The following LIN52 variants were observed in gnomAD, a reference collection of about 807,000 sequenced individuals.
LIN52 encodes lin-52 DREAM MuvB core complex component.
LIN52 carries 4 observed loss-of-function variants against 18.5 expected under a neutral mutation model. The observed-to-expected ratio is 0.22, with a 90% confidence interval of 0.11 to 0.49. The LOEUF (loss-of-function observed/expected upper bound fraction) is 0.49, where lower values mean the gene tolerates loss of function less well. LIN52 is among the 20% of genes least tolerant of loss of function. The pLI, the probability that LIN52 is intolerant of heterozygous loss-of-function variation, is 0.97. For missense variants in LIN52, 102 were observed against 139.5 expected (o/e 0.73, Z 1.35); for synonymous variants, 34 against 45.5 (o/e 0.75, Z 1.02).
chr14:74,149,732 G>A (rs141130965), intron 5 of LIN52, among the ~76,000 whole-genome samples: 60 of 152,200 alleles, frequency 3.9e-4, no homozygotes, highest in African/African-American at 1.4e-3. Context: ...CTTTATCTGG[G>A]AGTCTGAGGT....
In LIN52 at chr14:74,145,615, C is replaced by G. The variant is rs375037702; in HGVS notation, c.283+44377C>G. On this transcript the variant is annotated intron_variant, in intron 5 of 5. Transcript: ENST00000555028. ...TCATATGCTTTGAGCTTGTCTCTTA[C>G]AGTCTGGTCGAAAAGTCAGAAGTAT... Among the ~76,000 whole-genome samples, 20 of 152,322 alleles carry G rather than the reference C, an allele frequency of 1.3e-4. No homozygotes were observed. The East Asian group carries it at 1.7e-3, about 13-fold the overall frequency.
In LIN52 at chr14:74,184,934, A is replaced by C. The variant is rs530304874; in HGVS notation, c.284-13988A>C. Among the ~76,000 whole-genome samples, 19 of 150,490 alleles carry C rather than the reference A, an allele frequency of 1.3e-4. 1 individual carries two copies. The highest frequency in any genetic ancestry group is 4.6e-4 in the African/African-American group (19 of 41,030). The stretch of plus-strand genomic sequence containing the variant: ...AGTACATCTTTTTTCTTTTTTATTT[A>C]TTTTTTCTTCTTTTTAAAAATTTTT... On this transcript the variant is annotated intron_variant, in intron 5 of 5. Transcript: ENST00000555028.
chr14:74,168,476 G>C (rs146701340), intron 5 of LIN52, among the ~76,000 whole-genome samples: 172 of 152,018 alleles, frequency 1.1e-3, no homozygotes, highest in African/African-American at 4.1e-3. Flanking sequence ...AGACCATCCT[G>C]GCTAACATGG....
At chr14:74,093,633 ATAACGT>A (rs2060787987) in intron 2 of LIN52, among the ~76,000 whole-genome samples, 1 of 152,184 alleles carries the variant, frequency 6.6e-6, no homozygotes, top group Admixed American at 6.5e-5. Flanking sequence ...GCCCACTCTT[ATAACGT>A]TAACCACTGT....
At chr14:74,113,519 C>G (rs771855208) in intron 5 of LIN52, among the ~76,000 whole-genome samples, 3 of 152,110 alleles carry the variant, frequency 2.0e-5, no homozygotes, top group South Asian at 2.1e-4. Context: ...GCTCAAGGAA[C>G]GGTGCGAGTG....
At chr14:74,143,448 G>A (rs943159921) in intron 5 of LIN52, among the ~76,000 whole-genome samples, 5 of 152,156 alleles carry the variant, frequency 3.3e-5, no homozygotes, top group Non-Finnish European at 7.3e-5. Flanking sequence ...AGCTACTTGG[G>A]AAGCTGAAGT....
At chr14:74,165,557 A>C (rs925928754) in intron 5 of LIN52, among the ~76,000 whole-genome samples, 1 of 137,590 alleles carries the variant, frequency 7.3e-6, no homozygotes, top group African/African-American at 2.9e-5. Flanking sequence ...CCCAGACTGA[A>C]GTACACAGTG....
chr14:74,137,150 A>G (rs1566858395), intron 5 of LIN52, among the ~76,000 whole-genome samples: 1 of 131,646 alleles, frequency 7.6e-6, no homozygotes, highest in Admixed American at 7.9e-5. Flanking sequence ...TATATTTTAT[A>G]TATGAATATA....
At chr14:74,089,932 A>G (rs1413046623) in intron 1 of LIN52, among the ~76,000 whole-genome samples, 1 of 151,630 alleles carries the variant, frequency 6.6e-6, no homozygotes, top group East Asian at 1.9e-4. Flanking sequence ...CAGGGCGAGC[A>G]CTTTTGGGCT....
chr14:74,092,051 A>G lies in LIN52; in HGVS notation c.94+745A>G, dbSNP rs577599403. Among the ~76,000 whole-genome samples, 82 of 151,784 alleles carry G rather than the reference A, an allele frequency of 5.4e-4. 1 individual carries two copies. The highest frequency in any genetic ancestry group is 1.8e-3 in the African/African-American group (75 of 41,450). ...TGCAGTGGTGCACTCGGGTCACTGCATCCTCTGCCTCAGGGTTCAAGCGAT... is the reference window on the plus strand; with the variant it reads ...TGCAGTGGTGCACTCGGGTCACTGCGTCCTCTGCCTCAGGGTTCAAGCGAT... On this transcript the variant is annotated intron_variant, in intron 2 of 5. Transcript: ENST00000555028.
intron 3 of LIN52, among the ~76,000 whole-genome samples, chr14:74,096,572 A>G (rs1162390885): frequency 6.6e-6 from 1 of 152,026 alleles, no homozygotes; most frequent in Non-Finnish European, 1.5e-5. Flanking sequence ...TGATGCATGT[A>G]AAGTGTTTTG....
Position 74,093,250 on chromosome 14 carries a change from A to G in LIN52, c.94+1944A>G, listed in dbSNP as rs866923485. ...GAGTGAGCCACCACAGCCAGCCCCC[A>G]AAACTACATTTATAAGAAATTCACA... On this transcript the variant is annotated intron_variant, in intron 2 of 5. Transcript: ENST00000555028. 5.3e-5 allele frequency among the ~76,000 whole-genome samples: 8 copies of G among 151,728 alleles called. No homozygotes were observed. The South Asian group carries it at 1.3e-3, about 24-fold the overall frequency.
rs2078947567 is a variant in LIN52 at position 74,201,254 on chromosome 14, CA to C, written c.*2278del. 1 of 152,076 alleles carries C rather than the reference CA, an allele frequency of 6.6e-6. No individual in the cohort carries two copies. The highest frequency in any genetic ancestry group is 1.5e-5 in the Non-Finnish European group (1 of 68,000). 9.4% of individuals were successfully genotyped at this position (152,076 alleles called of 1,614,324 possible). ...TTTTACAGGAGGGTGAGTTTTTCCT[CA>C]GAGGGCCGAGTTGGATATTTAAAGC... On this transcript the variant is annotated 3_prime_UTR_variant, in exon 6 of 6. Coordinates refer to ENST00000555028, the MANE Select transcript of LIN52 (RefSeq NM_001024674.3).
At position 74,199,508 on chromosome 14, in the gene LIN52, A is replaced by G. The variant is rs1192122273; in HGVS notation, c.*531A>G. On this transcript the variant is annotated 3_prime_UTR_variant, in exon 6 of 6. Transcript: ENST00000555028. ...AAGTTCCCAGAATCCCCAGCTGAAG[A>G]AACCAGAATCTTCTCGAAATGTATA... The G allele has an allele frequency of 6.6e-6, 1 of 152,346 alleles. No individual in the cohort carries two copies. Among genetic ancestry groups the G allele is most frequent in the Non-Finnish European group, 1.5e-5 (1 of 68,128 alleles). The allele number at this position is 152,346 out of a possible 1,614,324, so 9.4% of individuals were successfully genotyped here. A position where few individuals can be genotyped will look rare whatever the true frequency, so the allele number is the denominator to read the frequency against.
At chr14:74,098,030 T>C (rs986557618) in intron 4 of LIN52, among the ~76,000 whole-genome samples, 170 bp downstream of exon 4, 5 of 152,180 alleles carry the variant, frequency 3.3e-5, no homozygotes, top group Admixed American at 2.0e-4. Flanking sequence ...ACCTTTTCCA[T>C]GTGTAGAAAT....
chr14:74,161,495 G>A (rs74428215), intron 5 of LIN52, among the ~76,000 whole-genome samples: 1,572 of 152,294 alleles, frequency 0.01, 12 homozygotes, highest in Middle Eastern at 0.027. Context: ...TCTGAACAGG[G>A]AAAATTTAAA....
At chr14:74,132,219 C>T (rs2061072424) in intron 5 of LIN52, among the ~76,000 whole-genome samples, 2 of 152,128 alleles carry the variant, frequency 1.3e-5, no homozygotes, top group African/African-American at 4.8e-5. Flanking sequence ...GGCTGGAGTC[C>T]AGGTCTTCTG....
Position 74,201,372 on chromosome 14 carries a change from CA to C in LIN52, c.*2396del, listed in dbSNP as rs2078948309. ...AATGGATAGTTGGGGGCTTTACAGT[CA>C]TCTACTTGGTCTCCTGCCTTCCATT... On this transcript the variant is annotated 3_prime_UTR_variant, in exon 6 of 6. Transcript: ENST00000555028. 1 of 152,142 alleles carries C rather than the reference CA, an allele frequency of 6.6e-6. No individual in the cohort carries two copies. Among genetic ancestry groups the C allele is most frequent in the African/African-American group, 2.4e-5 (1 of 41,454 alleles). 9.4% of individuals were successfully genotyped at this position (152,142 alleles called of 1,614,324 possible).
chr14:74,144,424 G>A (rs2061145603), intron 5 of LIN52, among the ~76,000 whole-genome samples: 2 of 152,126 alleles, frequency 1.3e-5, no homozygotes, highest in East Asian at 3.9e-4. Context: ...ACTGTGCCCA[G>A]CCTCAAATTA....
Sources: allele counts gnomAD v4.1 joint callset (sites outside exome capture counted in the v4.1 genomes callset), GRCh38; gene constraint gnomAD v4.1.1; transcripts MANE v1.5; gene names NCBI Gene and HGNC (gene_info 2026-07-23, HGNC 2026-07-21).